Variants in RARB observed in about 807,000 individuals in gnomAD.
RARB encodes the protein HBV-activated protein.
Under a neutral mutation model 51.9 loss-of-function variants are expected in RARB, and 17 were observed. The ratio of observed to expected loss-of-function variants is 0.33; its 90% CI spans 0.22 to 0.49. The LOEUF is 0.49. Ranked by LOEUF, RARB falls within the 20% of genes least tolerant of loss-of-function variation. RARB has a pLI of 0.99. For synonymous variants in RARB, 215 were observed against 195.4 expected, an observed-to-expected ratio of 1.10 and a Z score of -0.84; for missense variants, 369 against 550.8, an observed-to-expected ratio of 0.67 and a Z score of 3.30.
intron 1 of RARB, among the ~76,000 whole-genome samples, chr3:24,831,645 G>A (rs1702283622): frequency 6.6e-6 from 1 of 151,944 alleles, no homozygotes; most frequent in African/African-American, 2.4e-5. Flanking sequence ...AGATATGGTG[G>A]GGGGGAACTA....
chr3:25,039,045 T>C (rs1698060131), intron 2 of RARB, among the ~76,000 whole-genome samples: 1 of 152,200 alleles, frequency 6.6e-6, no homozygotes, highest in Admixed American at 6.5e-5. Flanking sequence ...ACTCTGAAGT[T>C]ATTTGTTGAC....
intron 5 of RARB, among the ~76,000 whole-genome samples, chr3:25,211,566 G>T (rs1210663131): frequency 6.6e-6 from 1 of 152,142 alleles, no homozygotes; most frequent in East Asian, 1.9e-4. Context: ...CAGCATCAAG[G>T]GATGGAGCAG....
chr3:25,341,982 A>T (rs1324622044), intron 5 of RARB, among the ~76,000 whole-genome samples: 2 of 152,208 alleles, frequency 1.3e-5, no homozygotes, highest in Non-Finnish European at 2.9e-5. Context: ...CCACTAAAAC[A>T]ACACTTCGTA....
At chr3:25,417,198 T>TAAAA (rs35119404) in intron 5 of RARB, among the ~76,000 whole-genome samples, 9 of 141,608 alleles carry the variant, frequency 6.4e-5, no homozygotes, top group Admixed American at 1.4e-4. Flanking sequence ...AAAAACCAAT[T>TAAAA]AAAAAAAAAA....
At chr3:25,427,653 C>T (rs1167873606), upstream of RARB, among the ~76,000 whole-genome samples, 4 of 152,112 alleles carry the variant, frequency 2.6e-5, no homozygotes, top group African/African-American at 7.2e-5. Flanking sequence ...GATTGCAGAG[C>T]AAACGAGTGC....
upstream of RARB, among the ~76,000 whole-genome samples, chr3:25,425,864 T>A (rs2125509920): frequency 6.6e-6 from 1 of 152,290 alleles, no homozygotes; most frequent in South Asian, 2.1e-4. Flanking sequence ...ATCTCTACTC[T>A]TTGGAGAGAT....
In RARB at chr3:25,516,631, C is replaced by CTTTTTTTTTTTTTTT. The variant is rs559135603; in HGVS notation, c.448+15321_448+15322insTTTTTTTTTTTTTTT. The stretch of plus-strand genomic sequence containing the variant: ...CAAAGGTTCATCTTTATTTCCTTGT[C>CTTTTTTTTTTTTTTT]TTTTTTTTTTTTTGAGACAGGGTCA... On this transcript the variant is annotated intron_variant, in intron 3 of 7. Transcript: ENST00000330688. 9.2e-4 allele frequency among the ~76,000 whole-genome samples: 121 copies of CTTTTTTTTTTTTTTT among 131,670 alleles called. 10 individuals are homozygous for CTTTTTTTTTTTTTTT. Among genetic ancestry groups the CTTTTTTTTTTTTTTT allele is most frequent in the African/African-American group, 3.2e-3 (96 of 30,442 alleles). The allele number at this position is 131,670 out of a possible 152,430, so 86.4% of individuals were successfully genotyped here. A position where few individuals can be genotyped will look rare whatever the true frequency, so the allele number is the denominator to read the frequency against.
intron 2 of RARB, among the ~76,000 whole-genome samples, chr3:25,493,216 C>T (rs1483825330): frequency 6.6e-6 from 1 of 152,176 alleles, no homozygotes; most frequent in Non-Finnish European, 1.5e-5. Flanking sequence ...TACTTTCTCC[C>T]TCCCTCTCAC....
intron 1 of RARB, among the ~76,000 whole-genome samples, chr3:24,855,470 T>C (rs1702619039): frequency 6.6e-6 from 1 of 152,184 alleles, no homozygotes. Context: ...TCTTTTAGTA[T>C]ATGCTGTGAT....
At chr3:25,367,977 C>G (rs1483287886) in intron 5 of RARB, among the ~76,000 whole-genome samples, 2 of 152,114 alleles carry the variant, frequency 1.3e-5, no homozygotes, top group Non-Finnish European at 2.9e-5. Flanking sequence ...GTTTTCGGTG[C>G]TCCTCTGTGA....
intron 5 of RARB, among the ~76,000 whole-genome samples, chr3:25,392,264 C>A (rs1462237353): frequency 6.6e-6 from 1 of 152,058 alleles, no homozygotes; most frequent in Non-Finnish European, 1.5e-5. Context: ...ACTTTTATAC[C>A]AGTACCATGC....
intron 2 of RARB, among the ~76,000 whole-genome samples, chr3:25,056,598 T>A (rs1001006654): frequency 2.6e-5 from 4 of 152,124 alleles, no homozygotes; most frequent in Admixed American, 6.6e-5. Context: ...CAATAGATCC[T>A]CTTAGTAGCA....
At position 25,596,542 on chromosome 3, in the gene RARB, G is replaced by A; in HGVS notation, c.1273G>A (p.Ala425Thr). The change falls in exon 8 of 8, where the codon GCA becomes ACA. Residue 425 changes from alanine (A) to threonine (T), a missense_variant. This residue lies in a region of RARB where 54 missense variants were observed against 43.4 expected (regional missense o/e 1.24). Coordinates refer to ENST00000330688, the MANE Select transcript of RARB (RefSeq NM_000965.5). ...PLTPSSSGNT[A>T]EHSPSISPSS... ...GACCCCAAGTTCAAGTGGGAACACA[G>A]CAGAGCACAGTCCTAGCATCTCACC... 6 of 1,613,882 alleles carry A rather than the reference G, an allele frequency of 3.7e-6. No individual in the cohort carries two copies. The highest frequency in any genetic ancestry group is 5.1e-6 in the Non-Finnish European group (6 of 1,179,770).
intron 5 of RARB, among the ~76,000 whole-genome samples, chr3:25,295,689 C>T (rs1298843877): frequency 1.3e-5 from 2 of 152,094 alleles, no homozygotes; most frequent in African/African-American, 4.8e-5. Flanking sequence ...GCCTAAGATT[C>T]GATATGTCAG....
At chr3:24,910,432 C>A (rs1343353084) in intron 2 of RARB, among the ~76,000 whole-genome samples, 1 of 152,110 alleles carries the variant, frequency 6.6e-6, no homozygotes, top group East Asian at 1.9e-4. Flanking sequence ...AATTGGATGA[C>A]ATGTTTTGAT....
chr3:25,426,825 T>C (rs1708006264), upstream of RARB, among the ~76,000 whole-genome samples: 2 of 152,198 alleles, frequency 1.3e-5, no homozygotes, highest in Admixed American at 6.5e-5. Context: ...CTTTTAAAGC[T>C]CTCCATCCGG....
chr3:25,046,170 A>T (rs1174223734), intron 2 of RARB, among the ~76,000 whole-genome samples: 1 of 152,152 alleles, frequency 6.6e-6, no homozygotes, highest in African/African-American at 2.4e-5. Context: ...AGGCATGGAG[A>T]AAAAAACCGC....
chr3:25,580,866 C>G (rs1015151264), intron 5 of RARB, 144 bp downstream of exon 5: 17 of 828,136 alleles, frequency 2.1e-5, no homozygotes, highest in Admixed American at 1.4e-4. Context: ...AGTAGGTGGA[C>G]TCACCTAGCC....
upstream of RARB, among the ~76,000 whole-genome samples, chr3:25,423,348 G>C (rs1707909016): frequency 6.6e-6 from 1 of 152,220 alleles, no homozygotes; most frequent in African/African-American, 2.4e-5. Flanking sequence ...TAAATGAAAT[G>C]CAGTGCATTG....
Sources: gnomAD v4.1 joint callset for allele counts (sites outside exome capture counted in the v4.1 genomes callset) on GRCh38, gnomAD v4.1.1 for gene constraint, gnomAD v4.1.1 regional missense constraint, MANE v1.5 for transcripts, NCBI Gene and HGNC (gene_info 2026-07-23, HGNC 2026-07-21) for gene names.